DMXL1: variants seen among roughly 807,000 people sequenced by gnomAD.
DMXL1 encodes the protein Dmx like 1.
A neutral mutation model predicts 319.2 loss-of-function variants in DMXL1; 99 were observed. The observed-to-expected ratio is 0.31, with a 90% CI of 0.26 to 0.37. DMXL1 has a LOEUF of 0.37. Ranked by LOEUF, DMXL1 falls within the 10% of genes least tolerant of loss-of-function variation. The pLI is 1.00. For synonymous variants in DMXL1, 1,385 were observed against 1,235.2 expected (o/e 1.12, Z -2.54); for missense variants, 3,745 against 3,595.6 (o/e 1.04, Z -1.06).
At chr5:119,123,361 A>AGAGGAGGGAGAGGGG in intron 9 of DMXL1, among the ~76,000 whole-genome samples, 1 of 92,038 alleles carries the variant, frequency 1.1e-5, no homozygotes, top group Non-Finnish European at 2.2e-5. Flanking sequence ...AGGGAGAGGG[A>AGAGGAGGGAGAGGGG]GAGGAGGGAG....
intron 9 of DMXL1, among the ~76,000 whole-genome samples, chr5:119,124,508 T>A (rs1763048386): frequency 6.6e-6 from 1 of 151,736 alleles, no homozygotes; most frequent in African/African-American, 2.4e-5. Flanking sequence ...AAAAACTAGT[T>A]GTTGTTGATA....
rs779228892 is a variant in DMXL1, at chr5:119,150,322, C to T, written c.4495C>T (p.Pro1499Ser). Residue 1499 changes from proline to serine, a missense_variant, in exon 18 of 44, where the codon CCA (proline) becomes TCA (serine). Physicochemically the swap from Pro to Ser is moderately conservative, Grantham distance 74. Transcript: ENST00000539542. ...TGGCCACTTACTTCATTCTAGTTTA[C>T]CAGGACTCAGCCGGATGGAGCAGAT... ...LSGHLLHSSLPGLSRMEQMSL... is the reference protein window; with the variant it reads ...LSGHLLHSSLSGLSRMEQMSL... The T allele has an allele frequency of 5.6e-6, 9 of 1,613,662 alleles. No homozygotes were observed. The highest frequency in any genetic ancestry group is 7.6e-6 in the Non-Finnish European group (9 of 1,179,842).
Position 119,249,025 on chromosome 5 carries a change from A to G in DMXL1, c.*1806A>G, listed in dbSNP as rs3733854. The G allele has an allele frequency of 8.0e-3, 1,214 of 152,672 alleles. 37 individuals are homozygous for G. In the East Asian group the frequency reaches 0.084, roughly 11 times the overall value. The allele number at this position is 152,672 out of a possible 1,614,324, so 9.5% of individuals were successfully genotyped here. On this transcript the variant is annotated 3_prime_UTR_variant, in exon 44 of 44. Transcript: ENST00000539542. The stretch of plus-strand genomic sequence containing the variant: ...AAAGGTGTTTAAGGATGAACTAAAT[A>G]TTTTAATTGAGCATTTATATGGATA...
At chr5:119,086,923 A>G (rs1002112300) in intron 1 of DMXL1, among the ~76,000 whole-genome samples, 1 of 151,848 alleles carries the variant, frequency 6.6e-6, no homozygotes, top group African/African-American at 2.4e-5. Context: ...TTATGGTTCA[A>G]TCTTGGTAGG....
At chr5:119,071,987 T>TCAAAAA (rs1749700706) in intron 1 of DMXL1, among the ~76,000 whole-genome samples, 1 of 152,126 alleles carries the variant, frequency 6.6e-6, no homozygotes, top group African/African-American at 2.4e-5. Context: ...TTTTATACCA[T>TCAAAAA]TCTATAGGTT....
At chr5:119,188,489 A>AAAAAAT (rs1778147425) in intron 28 of DMXL1, among the ~76,000 whole-genome samples, 1 of 152,212 alleles carries the variant, frequency 6.6e-6, no homozygotes, top group Admixed American at 6.5e-5. Context: ...TTGAAAGGTA[A>AAAAAAT]AAAAATATCT....
At chr5:119,139,955 C>T (rs1766932339) in intron 13 of DMXL1, among the ~76,000 whole-genome samples, 1 of 152,082 alleles carries the variant, frequency 6.6e-6, no homozygotes, top group Non-Finnish European at 1.5e-5. Context: ...AAATAGAAGT[C>T]AGGATTTAAA....
chr5:119,124,528 A>C (rs1763054322), intron 9 of DMXL1, among the ~76,000 whole-genome samples: 1 of 149,686 alleles, frequency 6.7e-6, no homozygotes, highest in Non-Finnish European at 1.5e-5. Context: ...ATTAAGATAC[A>C]TATGTTACTA....
At position 119,148,821 on chromosome 5, in the gene DMXL1, A is replaced by G. The variant is rs1233671024; in HGVS notation, c.2994A>G (p.Arg998=). ...CTTCATGTTCAGATGAGAAAGTAAG[A>G]TTCTGGAGATGCAGAGTAACAGATG... ...LATSCSDEKV[R]FWRCRVTDGE... The change falls in exon 18 of 44, where the codon AGA becomes AGG. Residue 998 remains arginine (R), a synonymous_variant. Coordinates refer to ENST00000539542, the MANE Select transcript of DMXL1 (RefSeq NM_001290321.3). The G allele has an allele frequency of 6.2e-7, 1 of 1,613,628 alleles. No individual in the cohort carries two copies. Among genetic ancestry groups the G allele is most frequent in the Non-Finnish European group, 8.5e-7 (1 of 1,179,744 alleles).
intron 30 of DMXL1, among the ~76,000 whole-genome samples, chr5:119,196,115 G>T (rs1292441063): frequency 1.3e-5 from 2 of 151,806 alleles, no homozygotes; most frequent in Non-Finnish European, 2.9e-5. Flanking sequence ...TCTTCCTTAT[G>T]GTTACCCTAA....
intron 7 of DMXL1, 104 bp downstream of exon 7, chr5:119,116,440 G>A (rs1760863776): frequency 3.2e-6 from 4 of 1,246,912 alleles, no homozygotes; most frequent in South Asian, 1.5e-5. Flanking sequence ...GGACTTCTGA[G>A]CCTATGAAGA....
Position 119,171,900 on chromosome 5 carries a change from G to A in DMXL1, c.6612G>A (p.Leu2204=). The change falls in exon 25 of 44, where the codon CTG becomes CTA. Residue 2204 remains leucine, a synonymous_variant. Coordinates refer to ENST00000539542, the MANE Select transcript of DMXL1 (RefSeq NM_001290321.3). ...VANPLLHLSN[L]THDILHAIIN... is the part of the protein sequence containing the mutation. ...ATCCATTATTGCACCTTAGTAATCTGACACATGATATTCTCCATGCCATAA... is the reference window on the plus strand; with the variant it reads ...ATCCATTATTGCACCTTAGTAATCTAACACATGATATTCTCCATGCCATAA... 6.2e-7 allele frequency: 1 copy of A among 1,613,722 alleles called. No homozygotes were observed. The highest frequency in any genetic ancestry group is 8.5e-7 in the Non-Finnish European group (1 of 1,179,842).
At chr5:119,098,543 T>C (rs1235692438) in intron 2 of DMXL1, among the ~76,000 whole-genome samples, 1 of 152,154 alleles carries the variant, frequency 6.6e-6, no homozygotes. Flanking sequence ...AAAAACTCTT[T>C]GAGAGTTTAT....
intron 26 of DMXL1, among the ~76,000 whole-genome samples, chr5:119,175,746 A>G (rs1300252441): frequency 6.6e-6 from 1 of 152,162 alleles, no homozygotes; most frequent in Non-Finnish European, 1.5e-5. Context: ...CTCAGGGACC[A>G]CATGGGAGGG....
chr5:119,183,838 C>T lies in DMXL1; in HGVS notation c.7135+5594C>T, dbSNP rs189614597. Reference sequence around the variant, plus strand: ...TTTAAAGTTTAAAAAGTGTTCTATTCATTCATTTTACAAATGAGTCAGGAA... The same window carrying T: ...TTTAAAGTTTAAAAAGTGTTCTATTTATTCATTTTACAAATGAGTCAGGAA... On this transcript the variant is annotated intron_variant, in intron 28 of 43. Coordinates refer to ENST00000539542, the MANE Select transcript of DMXL1 (RefSeq NM_001290321.3). Among the ~76,000 whole-genome samples the T allele has an allele frequency of 1.0e-3, 159 of 152,196 alleles. 2 individuals are homozygous for T. The highest frequency in any genetic ancestry group is 3.6e-3 in the African/African-American group (150 of 41,518).
intron 39 of DMXL1, among the ~76,000 whole-genome samples, chr5:119,234,035 A>G (rs1787257575): frequency 6.6e-6 from 1 of 152,160 alleles, no homozygotes; most frequent in Admixed American, 6.6e-5. Context: ...CTACAGCAGC[A>G]TAGTTCAGGA....
chr5:119,122,357 G>A (rs1028749224), intron 9 of DMXL1, among the ~76,000 whole-genome samples: 1 of 148,496 alleles, frequency 6.7e-6, no homozygotes, highest in African/African-American at 2.5e-5. Flanking sequence ...TGGCCGGGCA[G>A]AGGGGCTCCT....
chr5:119,109,336 C>T (rs2149840310), intron 4 of DMXL1, among the ~76,000 whole-genome samples: 1 of 152,284 alleles, frequency 6.6e-6, no homozygotes, highest in African/African-American at 2.4e-5. Flanking sequence ...TAGAGGGAGA[C>T]TCACAGGCCT....
At chr5:119,216,643 C>T (rs958081076) in intron 34 of DMXL1, among the ~76,000 whole-genome samples, 2 of 151,948 alleles carry the variant, frequency 1.3e-5, no homozygotes, top group African/African-American at 2.4e-5. Context: ...AACTGTATCT[C>T]GGGAGGATAG....
Sources: allele counts gnomAD v4.1 joint callset (sites outside exome capture counted in the v4.1 genomes callset), GRCh38; gene constraint gnomAD v4.1.1; transcripts MANE v1.5; gene names NCBI Gene and HGNC (gene_info 2026-07-23, HGNC 2026-07-21).